LRP1B: variants seen among roughly 807,000 people sequenced by gnomAD.
The protein encoded by LRP1B is low-density lipoprotein receptor-related protein 1B.
A neutral mutation model predicts 556.6 loss-of-function variants in LRP1B; 217 were observed. The ratio of observed to expected loss-of-function variants is 0.39; its 90% CI spans 0.35 to 0.44. The LOEUF is 0.44. LRP1B is among the 20% of genes least tolerant of loss of function. LRP1B has a pLI of 1.00. For synonymous variants in LRP1B, 2,047 were observed against 1,865.8 expected, an observed-to-expected ratio of 1.10 and a Z score of -2.50; for missense variants, 5,053 against 5,620.8, an observed-to-expected ratio of 0.90 and a Z score of 3.23.
intron 1 of LRP1B, among the ~76,000 whole-genome samples, chr2:141,966,970 T>C (rs1189063151): frequency 1.3e-5 from 2 of 151,804 alleles, no homozygotes. Flanking sequence ...CTAAGTCAAG[T>C]CTATAACGTC....
intron 7 of LRP1B, among the ~76,000 whole-genome samples, chr2:141,102,761 T>G: frequency 6.6e-6 from 1 of 152,148 alleles, no homozygotes; most frequent in African/African-American, 2.4e-5. Flanking sequence ...CAAGATGATC[T>G]AAAATTACTA....
chr2:140,658,515 T>C (rs1032468887), intron 41 of LRP1B, among the ~76,000 whole-genome samples: 1 of 152,002 alleles, frequency 6.6e-6, no homozygotes, highest in African/African-American at 2.4e-5. Context: ...TTTCTCATCC[T>C]GAATTTCCAA....
intron 2 of LRP1B, among the ~76,000 whole-genome samples, chr2:141,688,683 C>G (rs547471967): frequency 1.8e-4 from 27 of 151,930 alleles, no homozygotes; most frequent in African/African-American, 6.5e-4. Context: ...AATCTCGTTC[C>G]AGAAACAAGT....
At chr2:141,630,289 C>A (rs1268080091) in intron 2 of LRP1B, among the ~76,000 whole-genome samples, 2 of 152,074 alleles carry the variant, frequency 1.3e-5, no homozygotes, top group African/African-American at 4.8e-5. Flanking sequence ...AATGAAACAG[C>A]TGGAAAAAAC....
At chr2:140,646,638 C>A (rs1224429752) in intron 41 of LRP1B, among the ~76,000 whole-genome samples, 1 of 152,032 alleles carries the variant, frequency 6.6e-6, no homozygotes, top group Admixed American at 6.6e-5. Flanking sequence ...TGTTAGTTAT[C>A]TTTTAAACAT....
chr2:140,532,947 T>TATATATATATATATATCTAC, intron 47 of LRP1B, among the ~76,000 whole-genome samples: 1 of 124,282 alleles, frequency 8.0e-6, no homozygotes. Context: ...TATATATATA[T>TATATATATATATATATCTAC]ACACATATAT....
chr2:141,054,012 G>A (rs1356135347), intron 10 of LRP1B, among the ~76,000 whole-genome samples: 1 of 151,826 alleles, frequency 6.6e-6, no homozygotes, highest in Admixed American at 6.6e-5. Flanking sequence ...CACATTCCCA[G>A]CATTTAATAC....
At chr2:140,251,592 A>T (rs1681417753) in intron 86 of LRP1B, among the ~76,000 whole-genome samples, 1 of 152,098 alleles carries the variant, frequency 6.6e-6, no homozygotes, top group East Asian at 1.9e-4. Context: ...AATTGAATTT[A>T]TCCTCTTATA....
At chr2:141,562,338 T>G (rs778689083) in intron 2 of LRP1B, among the ~76,000 whole-genome samples, 3 of 151,930 alleles carry the variant, frequency 2.0e-5, no homozygotes, top group Admixed American at 6.6e-5. Flanking sequence ...CCCAGAGATT[T>G]CTTTTCCATA....
At chr2:141,583,415 T>C (rs898651458) in intron 2 of LRP1B, among the ~76,000 whole-genome samples, 6 of 151,960 alleles carry the variant, frequency 3.9e-5, no homozygotes, top group African/African-American at 1.2e-4. Flanking sequence ...GTTTTGCTTA[T>C]GGCAAAACAA....
intron 66 of LRP1B, among the ~76,000 whole-genome samples, chr2:140,423,704 G>T (rs1053788736): frequency 2.6e-5 from 4 of 152,064 alleles, no homozygotes; most frequent in Admixed American, 2.0e-4. Context: ...AATAGCTTGT[G>T]TAACACATAG....
intron 1 of LRP1B, among the ~76,000 whole-genome samples, chr2:141,996,224 A>C (rs1702486799): frequency 9.9e-6 from 1 of 101,502 alleles, no homozygotes; most frequent in African/African-American, 3.7e-5. Context: ...AAAAAAAAAA[A>C]AAAACGTTAT....
At chr2:140,708,632 C>A (rs1411493900) in intron 37 of LRP1B, among the ~76,000 whole-genome samples, 1 of 151,702 alleles carries the variant, frequency 6.6e-6, no homozygotes, top group African/African-American at 2.4e-5. Flanking sequence ...CTCACTTAAA[C>A]AAACACTTAA....
chr2:140,374,747 G>T (rs1321795659), intron 68 of LRP1B, among the ~76,000 whole-genome samples: 1 of 152,058 alleles, frequency 6.6e-6, no homozygotes, highest in Non-Finnish European at 1.5e-5. Context: ...TAAAGATCAT[G>T]CCTGTCTGTG....
intron 3 of LRP1B, among the ~76,000 whole-genome samples, chr2:141,416,366 T>C (rs1030099866): frequency 1.3e-5 from 2 of 152,100 alleles, no homozygotes; most frequent in Non-Finnish European, 2.9e-5. Flanking sequence ...CATAAGACTA[T>C]TGTGAGGATT....
chr2:141,868,698 A>T (rs986199134), intron 1 of LRP1B, among the ~76,000 whole-genome samples: 1 of 152,130 alleles, frequency 6.6e-6, no homozygotes, highest in African/African-American at 2.4e-5. Flanking sequence ...AAGCCTAGCA[A>T]ATTATGGACT....
intron 3 of LRP1B, among the ~76,000 whole-genome samples, chr2:141,434,100 T>C (rs1208045344): frequency 6.6e-6 from 1 of 151,994 alleles, no homozygotes; most frequent in Non-Finnish European, 1.5e-5. Flanking sequence ...ACATGGAGTT[T>C]GTTGCATTTC....
chr2:141,161,956 A>G (rs1040204362), intron 7 of LRP1B, among the ~76,000 whole-genome samples: 2 of 152,106 alleles, frequency 1.3e-5, no homozygotes, highest in African/African-American at 2.4e-5. Context: ...CTAACAGACT[A>G]CAAAACCCTG....
chr2:141,921,764 T>C (rs1348709190), intron 1 of LRP1B, among the ~76,000 whole-genome samples: 1 of 152,086 alleles, frequency 6.6e-6, no homozygotes, highest in Admixed American at 6.6e-5. Context: ...AAACATTATA[T>C]AATTCAATAG....
Sources: gnomAD v4.1 joint callset for allele counts (sites outside exome capture counted in the v4.1 genomes callset) on GRCh38, gnomAD v4.1.1 for gene constraint, MANE v1.5 for transcripts, NCBI Gene and HGNC (gene_info 2026-07-23, HGNC 2026-07-21) for gene names.